The following PRIMA1 variants were observed in gnomAD, a reference collection of about 807,000 sequenced individuals.
The protein encoded by PRIMA1 is proline rich membrane anchor 1, also known as proline-rich membrane anchor 1.
In PRIMA1, 7 loss-of-function variants were observed where a neutral mutation model predicts 17.5. The ratio of observed to expected loss-of-function variants is 0.40; its 90% confidence interval spans 0.23 to 0.75. The LOEUF is 0.75. Among genes scored for constraint, PRIMA1 ranks in the 30% least tolerant of loss-of-function variants. The pLI is 0.37. For synonymous variants in PRIMA1, 97 were observed against 77.9 expected, an observed-to-expected ratio of 1.25 and a Z score of -1.29; for missense variants, 200 against 201.8, an observed-to-expected ratio of 0.99 and a Z score of 0.05.
intron 4 of PRIMA1, among the ~76,000 whole-genome samples, chr14:93,722,785 G>A (rs899933939): frequency 6.7e-6 from 1 of 149,212 alleles, no homozygotes; most frequent in Non-Finnish European, 1.5e-5. Context: ...GATGGTGACA[G>A]TGGTAATGAA....
intron 3 of PRIMA1, among the ~76,000 whole-genome samples, chr14:93,749,680 A>G (rs2076248223): frequency 6.6e-6 from 1 of 152,156 alleles, no homozygotes; most frequent in Non-Finnish European, 1.5e-5. Context: ...TATATATTAA[A>G]CGCCCAGCAG....
At chr14:93,769,145 C>T (rs1015296369) in intron 3 of PRIMA1, among the ~76,000 whole-genome samples, 1 of 152,218 alleles carries the variant, frequency 6.6e-6, no homozygotes, top group African/African-American at 2.4e-5. Flanking sequence ...GAATGCAAGG[C>T]AGAGTCAGCC....
intron 3 of PRIMA1, among the ~76,000 whole-genome samples, chr14:93,767,441 C>T (rs149027504): frequency 2.0e-5 from 3 of 152,258 alleles, no homozygotes; most frequent in Admixed American, 1.3e-4. Flanking sequence ...AGAGAATGCC[C>T]GGCACTATCA....
chr14:93,728,821 C>T (rs1199940456), intron 4 of PRIMA1, among the ~76,000 whole-genome samples: 1 of 152,200 alleles, frequency 6.6e-6, no homozygotes, highest in Admixed American at 6.5e-5. Context: ...CCATGCGCCC[C>T]ACACCAAGGA....
chr14:93,719,527 G>A lies in PRIMA1; in HGVS notation c.*1917C>T, dbSNP rs1449852608. On this transcript the variant is annotated 3_prime_UTR_variant, in exon 5 of 5. Coordinates refer to ENST00000393140, the MANE Select transcript of PRIMA1 (RefSeq NM_178013.4). ...TGCAGCACAGGGTGGTGTGTGCTTA[G>A]GGCTAGGGTCCTGCCCAGGGGTCTG... is the stretch of plus-strand genomic sequence containing the variant. 2 of 152,660 alleles carry A rather than the reference G, an allele frequency of 1.3e-5. No individual in the cohort carries two copies. Among genetic ancestry groups the A allele is most frequent in the Non-Finnish European group, 2.9e-5 (2 of 68,392 alleles). The allele number at this position is 152,660 out of a possible 1,614,324, so 9.5% of individuals were successfully genotyped here.
intron 3 of PRIMA1, among the ~76,000 whole-genome samples, chr14:93,764,028 C>T (rs1884814230): frequency 6.6e-6 from 1 of 152,064 alleles, no homozygotes; most frequent in Non-Finnish European, 1.5e-5. Flanking sequence ...GACACTGGCA[C>T]CCAGCAGTCC....
chr14:93,748,687 TG>T (rs1273328794), intron 3 of PRIMA1, among the ~76,000 whole-genome samples: 1 of 152,172 alleles, frequency 6.6e-6, no homozygotes, highest in African/African-American at 2.4e-5. Flanking sequence ...GCGGGCCACT[TG>T]CTCCCCTGGC....
chr14:93,736,086 C>G (rs181504221), intron 4 of PRIMA1, among the ~76,000 whole-genome samples: 2 of 152,342 alleles, frequency 1.3e-5, no homozygotes, highest in Admixed American at 1.3e-4. Context: ...CAAAGAAGCA[C>G]AGACGGACCT....
intron 3 of PRIMA1, among the ~76,000 whole-genome samples, chr14:93,748,966 C>T (rs1325219089): frequency 1.3e-5 from 2 of 152,112 alleles, no homozygotes; most frequent in Non-Finnish European, 2.9e-5. Context: ...GAGCCGGGAA[C>T]AGCAGGACAC....
At chr14:93,779,399 G>T in intron 2 of PRIMA1, 88 bp from the exon 3 acceptor site, 2 of 1,153,188 alleles carry the variant, frequency 1.7e-6, no homozygotes, top group Non-Finnish European at 2.4e-6. Context: ...CCCGTCCCCT[G>T]CCAGGCTGGG....
intron 4 of PRIMA1, among the ~76,000 whole-genome samples, chr14:93,722,981 C>A (rs1262113589): frequency 6.6e-6 from 1 of 152,034 alleles, no homozygotes; most frequent in Non-Finnish European, 1.5e-5. Flanking sequence ...ATCAGGAAGG[C>A]TGGGAGGGAG....
At chr14:93,785,559 G>C (rs1885500301) in intron 2 of PRIMA1, among the ~76,000 whole-genome samples, 1 of 152,172 alleles carries the variant, frequency 6.6e-6, no homozygotes, top group Admixed American at 6.5e-5. Flanking sequence ...CTCCAGATTA[G>C]AGAAACTCCT....
chr14:93,765,430 G>T (rs1477510300), intron 3 of PRIMA1, among the ~76,000 whole-genome samples: 2 of 149,322 alleles, frequency 1.3e-5, no homozygotes, highest in African/African-American at 5.0e-5. Context: ...CTGGACACAA[G>T]TGGGGCATCC....
intron 3 of PRIMA1, among the ~76,000 whole-genome samples, chr14:93,770,285 G>C (rs1469475942): frequency 1.3e-5 from 2 of 152,126 alleles, no homozygotes; most frequent in African/African-American, 4.8e-5. Context: ...TGCACGTGAG[G>C]GCATGCCACA....
upstream of PRIMA1, among the ~76,000 whole-genome samples, chr14:93,788,695 G>T (rs1012023648): frequency 6.6e-6 from 1 of 152,064 alleles, no homozygotes; most frequent in Non-Finnish European, 1.5e-5. Flanking sequence ...GTCCTCGCAC[G>T]GGGCGCAGGG....
chr14:93,729,255 C>G (rs995422083), intron 4 of PRIMA1, among the ~76,000 whole-genome samples: 5 of 152,240 alleles, frequency 3.3e-5, no homozygotes, highest in African/African-American at 1.2e-4. Context: ...AGCACTTGCC[C>G]TCAGGAGGCC....
chr14:93,778,626 T>C lies in PRIMA1; in HGVS notation c.229+550A>G, dbSNP rs530449618. On this transcript the variant is annotated intron_variant, in intron 3 of 4. Transcript: ENST00000393140. The stretch of plus-strand genomic sequence containing the variant: ...ATGTAGAGGTCAGGGCTGAGGCCAT[T>C]TCTGGCTAAAGAAACGCTCCTTTGT... Among the ~76,000 whole-genome samples, 220 of 152,342 alleles carry C rather than the reference T, an allele frequency of 1.4e-3. 1 individual carries two copies. The highest frequency in any genetic ancestry group is 8.5e-4 in the Non-Finnish European group (58 of 68,036).
chr14:93,777,116 T>C (rs1227532016), intron 3 of PRIMA1, among the ~76,000 whole-genome samples: 1 of 152,236 alleles, frequency 6.6e-6, no homozygotes, highest in Non-Finnish European at 1.5e-5. Flanking sequence ...ATGTAGATCA[T>C]TGTTTGGTAA....
chr14:93,773,157 C>A (rs545271727), intron 3 of PRIMA1, among the ~76,000 whole-genome samples: 2 of 152,234 alleles, frequency 1.3e-5, no homozygotes, highest in African/African-American at 2.4e-5. Flanking sequence ...TGAGCCACTG[C>A]GCTACATAAT....
Sources: allele counts gnomAD v4.1 joint callset (sites outside exome capture counted in the v4.1 genomes callset), GRCh38; gene constraint gnomAD v4.1.1; transcripts MANE v1.5; gene names NCBI Gene and HGNC (gene_info 2026-07-23, HGNC 2026-07-21).